The following CILK1 variants were observed in gnomAD, a reference collection of about 807,000 sequenced individuals.
The protein encoded by CILK1 is serine/threonine-protein kinase ICK.
In CILK1, 47 loss-of-function variants were observed where a neutral mutation model predicts 79.2. The ratio of observed to expected loss-of-function variants is 0.59; its 90% CI spans 0.47 to 0.76. The LOEUF (loss-of-function observed/expected upper bound fraction) is 0.76. Ranked by LOEUF, CILK1 falls within the 30% of genes least tolerant of loss-of-function variation. The probability of loss-of-function intolerance (pLI) is 0.00; values close to 1 mark genes in which losing one functional copy is unlikely to be tolerated. For missense variants in CILK1, 660 were observed against 769.5 expected (o/e 0.86, Z 1.68); for synonymous variants, 266 against 275.9 (o/e 0.96, Z 0.36).
chr6:53,013,985 G>C lies in CILK1; in HGVS notation c.832-3C>G. 6.2e-7 allele frequency: 1 copy of C among 1,611,508 alleles called. No individual in the cohort carries two copies. Among genetic ancestry groups the C allele is most frequent in the Non-Finnish European group, 8.5e-7 (1 of 1,177,888 alleles). On this transcript the variant is annotated splice_polypyrimidine_tract_variant and splice_region_variant and intron_variant, in intron 8 of 13. Coordinates refer to ENST00000676107, the MANE Select transcript of CILK1 (RefSeq NM_014920.5). ...TGGAAGTAAGGATATCGAAGTGCCT[G>C]GAATGACAAATAAGGCTTTAGGAGA...
At chr6:53,032,697 GA>G in intron 3 of CILK1, 43 bp from the exon 4 acceptor site, 1 of 1,521,096 alleles carries the variant, frequency 6.6e-7, no homozygotes, top group Non-Finnish European at 9.0e-7. Context: ...AAATATTAGA[GA>G]AAATCTGTTG....
At chr6:53,058,919 G>C (rs1768175327) in intron 1 of CILK1, among the ~76,000 whole-genome samples, 1 of 151,188 alleles carries the variant, frequency 6.6e-6, no homozygotes, top group Non-Finnish European at 1.5e-5. Context: ...AAGAGGAGCA[G>C]TATAAAAAAA....
chr6:53,005,597 A>T (rs1161513339), intron 13 of CILK1, among the ~76,000 whole-genome samples: 1 of 152,148 alleles, frequency 6.6e-6, no homozygotes, highest in Non-Finnish European at 1.5e-5. Context: ...CTTTTTACCA[A>T]CTGAACTACT....
chr6:53,023,549 G>A (rs1290971554), intron 5 of CILK1, among the ~76,000 whole-genome samples: 3 of 152,140 alleles, frequency 2.0e-5, no homozygotes, highest in Non-Finnish European at 1.5e-5. Context: ...CTCAGAGCTG[G>A]TTGTCCTTGT....
At chr6:53,040,773 A>C (rs1766648645) in intron 2 of CILK1, among the ~76,000 whole-genome samples, 1 of 152,250 alleles carries the variant, frequency 6.6e-6, no homozygotes, top group Non-Finnish European at 1.5e-5. Flanking sequence ...GGAACAAGAC[A>C]GCAGTCACCA....
chr6:53,022,192 T>G (rs1484562844), intron 5 of CILK1, among the ~76,000 whole-genome samples: 1 of 152,158 alleles, frequency 6.6e-6, no homozygotes, highest in Non-Finnish European at 1.5e-5. Flanking sequence ...AAGCTAAGAT[T>G]AATTATTGAA....
chr6:53,014,349 AT>A (rs1361000269), intron 8 of CILK1, among the ~76,000 whole-genome samples: 1 of 152,218 alleles, frequency 6.6e-6, no homozygotes, highest in Non-Finnish European at 1.5e-5. Flanking sequence ...GAAGAAAAAA[AT>A]AATACAAAAC....
chr6:53,041,205 C>G lies in CILK1; in HGVS notation c.32G>C (p.Gly11Ala). The change falls in exon 2 of 14, where the codon GGG becomes GCG. Residue 11 changes from glycine to alanine, a missense_variant. Transcript: ENST00000676107. MNRYTTIRQL[G>A]DGTYGSVLLG... The stretch of plus-strand genomic sequence containing the variant: ...CAGGACGGAACCGTAGGTTCCATCC[C>G]CGAGCTGCCTGATTGTTGTGTATCT... 1 of 1,613,944 alleles carries G rather than the reference C, an allele frequency of 6.2e-7. No individual in the cohort carries two copies. Among genetic ancestry groups the G allele is most frequent in the Non-Finnish European group, 8.5e-7 (1 of 1,179,846 alleles).
Position 53,005,309 on chromosome 6 carries a change from A to G in CILK1, c.1745-6T>C, listed in dbSNP as rs1363578139. 6.2e-7 allele frequency: 1 copy of G among 1,614,232 alleles called. No homozygotes were observed. Among genetic ancestry groups the G allele is most frequent in the East Asian group, 2.2e-5 (1 of 44,884 alleles). ...GGCCTTCAGGGAGGAATAACCTGCAATGAAAGAAAAAGGCCGGCATGACTG... is the reference window on the plus strand; with the variant it reads ...GGCCTTCAGGGAGGAATAACCTGCAGTGAAAGAAAAAGGCCGGCATGACTG... On this transcript the variant is annotated splice_polypyrimidine_tract_variant and splice_region_variant and intron_variant, in intron 13 of 13. Coordinates refer to ENST00000676107, the MANE Select transcript of CILK1 (RefSeq NM_014920.5).
At chr6:53,018,537 C>T in intron 6 of CILK1, 36 bp from the exon 7 acceptor site, 1 of 1,592,656 alleles carries the variant, frequency 6.3e-7, no homozygotes, top group Non-Finnish European at 8.6e-7. Flanking sequence ...GCTATTGCTT[C>T]CACCACTCAG....
At chr6:53,044,746 G>A (rs958537309) in intron 1 of CILK1, among the ~76,000 whole-genome samples, 4 of 152,152 alleles carry the variant, frequency 2.6e-5, no homozygotes, top group Non-Finnish European at 5.9e-5. Context: ...GAGGTCGTAA[G>A]GGTAGGGGTC....
At chr6:53,035,880 T>C (rs1438327460) in intron 3 of CILK1, among the ~76,000 whole-genome samples, 1 of 152,028 alleles carries the variant, frequency 6.6e-6, no homozygotes, top group East Asian at 1.9e-4. Flanking sequence ...TCTACCTGCT[T>C]CTGCCTTCCC....
intron 1 of CILK1, among the ~76,000 whole-genome samples, chr6:53,052,487 C>A (rs866661901): frequency 2.0e-5 from 3 of 152,084 alleles, no homozygotes; most frequent in African/African-American, 7.2e-5. Context: ...AATCCCAACA[C>A]TTTGGGAGGC....
At chr6:53,027,021 A>T (rs777376838) in intron 5 of CILK1, among the ~76,000 whole-genome samples, 6 of 152,250 alleles carry the variant, frequency 3.9e-5, no homozygotes, top group Non-Finnish European at 7.3e-5. Flanking sequence ...TCAGATATGA[A>T]TATATGGAAA....
Position 53,022,769 on chromosome 6 carries a change from A to G in CILK1, c.359-3410T>C, listed in dbSNP as rs141946978. Among the ~76,000 whole-genome samples the G allele has an allele frequency of 6.6e-5, 10 of 152,182 alleles. No homozygotes were observed. The East Asian group carries it at 9.7e-4, about 15-fold the overall frequency. On this transcript the variant is annotated intron_variant, in intron 5 of 13. Coordinates refer to ENST00000676107, the MANE Select transcript of CILK1 (RefSeq NM_014920.5). The stretch of plus-strand genomic sequence containing the variant: ...CATGGTAGCCTTCATTCATTCATTC[A>G]TTCATTCTACCAACACATTTTCACT...
rs1763995525 is a variant in CILK1, at chr6:53,002,632, C to G, written c.*2517G>C. 1 of 152,162 alleles carries G rather than the reference C, an allele frequency of 6.6e-6. No individual in the cohort carries two copies. The highest frequency in any genetic ancestry group is 2.4e-5 in the African/African-American group (1 of 41,440). 9.4% of individuals were successfully genotyped at this position (152,162 alleles called of 1,614,324 possible). On this transcript the variant is annotated 3_prime_UTR_variant, in exon 14 of 14. Transcript: ENST00000676107. ...AGAGAAGGGGAGGAAGAGTAATTCA[C>G]AGCATTTGCTAGTTAAAATTTGTTT...
chr6:53,023,160 CCT>C (rs780528884), intron 5 of CILK1, among the ~76,000 whole-genome samples: 1 of 152,058 alleles, frequency 6.6e-6, no homozygotes, highest in South Asian at 2.1e-4. Flanking sequence ...GTCTCGATCC[CCT>C]GACCTCATGA....
At chr6:53,012,470 T>G (rs1010337652) in intron 9 of CILK1, among the ~76,000 whole-genome samples, 2 of 152,152 alleles carry the variant, frequency 1.3e-5, no homozygotes, top group African/African-American at 4.8e-5. Context: ...GATAAAAAAA[T>G]TTTTAAGATA....
At chr6:53,009,361 C>T in intron 12 of CILK1, 78 bp downstream of exon 12, 1 of 1,419,466 alleles carries the variant, frequency 7.0e-7, no homozygotes, top group Non-Finnish European at 1.0e-6. Context: ...AAAGCCCGTC[C>T]CATGACTCCT....
Sources: allele counts gnomAD v4.1 joint callset (sites outside exome capture counted in the v4.1 genomes callset), GRCh38; gene constraint gnomAD v4.1.1; transcripts MANE v1.5; gene names NCBI Gene and HGNC (gene_info 2026-07-23, HGNC 2026-07-21).